The following NIPSNAP2 variants were observed in gnomAD, a reference collection of about 807,000 sequenced individuals.
The protein encoded by NIPSNAP2 is protein NipSnap homolog 2.
Under a neutral mutation model 48.4 loss-of-function variants are expected in NIPSNAP2, and 42 were observed. The ratio of observed to expected loss-of-function variants is 0.87; its 90% CI spans 0.68 to 1.12. NIPSNAP2 has a LOEUF of 1.12. Among genes scored for constraint, NIPSNAP2 ranks in the 50% most tolerant of loss-of-function variants. NIPSNAP2 has a pLI of 0.00. For synonymous variants in NIPSNAP2, 158 were observed against 126.6 expected (o/e 1.25, Z -1.67); for missense variants, 314 against 347.3 (o/e 0.90, Z 0.76).
rs1354861441 is a variant in NIPSNAP2 at position 55,981,399 on chromosome 7, T to A, written c.279-74T>A. The stretch of plus-strand genomic sequence containing the variant: ...ACAGAGTAGGTGGTCTTTTTCCTGT[T>A]ACTGATCAGGTGCTGTCCACCTGGT... On this transcript the variant is annotated intron_variant, in intron 3 of 9. Coordinates refer to ENST00000322090, the MANE Select transcript of NIPSNAP2 (RefSeq NM_001483.3). The A allele has an allele frequency of 3.0e-6, 3 of 984,042 alleles. No homozygotes were observed. The African/African-American group carries it at 4.8e-5, about 16-fold the overall frequency. The allele number at this position is 984,042 out of a possible 1,614,324, so 61.0% of individuals were successfully genotyped here.
At chr7:55,988,265 A>T (rs568805166) in intron 7 of NIPSNAP2, among the ~76,000 whole-genome samples, 30 of 151,944 alleles carry the variant, frequency 2.0e-4, no homozygotes, top group Admixed American at 9.8e-4. Flanking sequence ...CAAAAAAAAA[A>T]TTTTTTTTTA....
At chr7:55,983,955 A>G (rs1017644543) in intron 6 of NIPSNAP2, 87 bp downstream of exon 6, 1 of 1,210,484 alleles carries the variant, frequency 8.3e-7, no homozygotes, top group African/African-American at 1.5e-5. Context: ...ACTTGTGTGT[A>G]CATTCTGTGA....
chr7:55,976,483 A>C (rs1340935394), intron 1 of NIPSNAP2, among the ~76,000 whole-genome samples: 6 of 152,236 alleles, frequency 3.9e-5, no homozygotes, highest in Non-Finnish European at 7.3e-5. Flanking sequence ...GGCTGAAGTC[A>C]TACACAGTTT....
intron 7 of NIPSNAP2, among the ~76,000 whole-genome samples, chr7:55,986,787 A>T (rs1165138627): frequency 6.6e-6 from 1 of 152,250 alleles, no homozygotes; most frequent in East Asian, 1.9e-4. Context: ...TTCAGAATAG[A>T]TAAATAATTC....
chr7:55,988,327 A>G (rs368379547), intron 7 of NIPSNAP2, among the ~76,000 whole-genome samples: 8 of 152,200 alleles, frequency 5.3e-5, no homozygotes, highest in South Asian at 2.1e-4. Context: ...GGATTTCACC[A>G]AAGAAAATAC....
chr7:55,989,049 C>G (rs555835986), intron 7 of NIPSNAP2, among the ~76,000 whole-genome samples: 1 of 152,096 alleles, frequency 6.6e-6, no homozygotes, highest in Non-Finnish European at 1.5e-5. Context: ...CATGTAAACA[C>G]TTAAGTGACC....
chr7:55,983,512 A>G (rs1290276423), intron 5 of NIPSNAP2, among the ~76,000 whole-genome samples: 1 of 152,242 alleles, frequency 6.6e-6, no homozygotes, highest in Non-Finnish European at 1.5e-5. Context: ...TAGGATGACC[A>G]AGTAATTTGT....
rs370055485 is a variant in NIPSNAP2 at position 55,969,779 on chromosome 7, C to G, written c.92+5078C>G. Among the ~76,000 whole-genome samples the G allele has an allele frequency of 1.5e-3, 221 of 152,064 alleles. 2 individuals carry two copies. The highest frequency in any genetic ancestry group is 0.013 in the South Asian group (61 of 4,814). ...TGGGCGAATCACGAGGTCAGGAGAT[C>G]GAGACCATCCTGGCTAACATGGTGA... On this transcript the variant is annotated intron_variant, in intron 1 of 9. Coordinates refer to ENST00000322090, the MANE Select transcript of NIPSNAP2 (RefSeq NM_001483.3).
At chr7:55,985,890 A>G (rs1787319686) in intron 7 of NIPSNAP2, among the ~76,000 whole-genome samples, 1 of 151,880 alleles carries the variant, frequency 6.6e-6, no homozygotes, top group Admixed American at 6.6e-5. Context: ...TCTACTGAAA[A>G]TATAAAGATT....
At chr7:55,978,887 C>CGAGAT in intron 3 of NIPSNAP2, 2 of 153,644 alleles carry the variant, frequency 1.3e-5, no homozygotes, top group Non-Finnish European at 2.9e-5. Context: ...GATCCAAGTC[C>CGAGAT]CTTCCGCTGA....
intron 7 of NIPSNAP2, among the ~76,000 whole-genome samples, chr7:55,992,483 C>CT (rs759839439): frequency 2.9e-4 from 44 of 152,204 alleles, no homozygotes; most frequent in Admixed American, 6.6e-4. Context: ...GAGTGAGTCT[C>CT]TGTCTTAAAA....
Position 55,999,813 on chromosome 7 carries a change from C to G in NIPSNAP2, c.*741C>G, listed in dbSNP as rs1787641967. ...TTTTTCTATAACAAAACAAGTAGCT[C>G]TAGGAAAAGAGGTTTTATTTTGTAA... On this transcript the variant is annotated 3_prime_UTR_variant, in exon 10 of 10. Coordinates refer to ENST00000322090, the MANE Select transcript of NIPSNAP2 (RefSeq NM_001483.3). 1 of 152,300 alleles carries G rather than the reference C, an allele frequency of 6.6e-6. No homozygotes were observed. The highest frequency in any genetic ancestry group is 2.1e-4 in the South Asian group (1 of 4,832). 9.4% of individuals were successfully genotyped at this position (152,300 alleles called of 1,614,324 possible).
chr7:55,979,687 GT>G (rs1787173379), intron 3 of NIPSNAP2: 1 of 442,776 alleles, frequency 2.3e-6, no homozygotes, highest in South Asian at 1.6e-5. Context: ...TTACCCCAAA[GT>G]TTGTCAGATT....
chr7:55,986,231 G>C (rs1787327954), intron 7 of NIPSNAP2, among the ~76,000 whole-genome samples: 1 of 151,888 alleles, frequency 6.6e-6, no homozygotes, highest in Non-Finnish European at 1.5e-5. Flanking sequence ...AACCGGGCAT[G>C]GTGGCACACA....
chr7:55,998,706 G>C (rs2116385419), intron 9 of NIPSNAP2, among the ~76,000 whole-genome samples: 1 of 151,904 alleles, frequency 6.6e-6, no homozygotes, highest in African/African-American at 2.4e-5. Context: ...TCACCCTGTT[G>C]GCCAGGATGG....
intron 3 of NIPSNAP2, chr7:55,980,267 A>C (rs1341340831): frequency 5.7e-6 from 1 of 174,994 alleles, no homozygotes; most frequent in East Asian, 1.4e-4. Context: ...TGATGTGGTC[A>C]CTATACTGGG....
At chr7:55,990,231 CTTT>C (rs568097360) in intron 7 of NIPSNAP2, among the ~76,000 whole-genome samples, 5 of 136,534 alleles carry the variant, frequency 3.7e-5, no homozygotes, top group Non-Finnish European at 1.6e-5. Flanking sequence ...TGTTTCTTTT[CTTT>C]TTTTTTTTTT....
intron 1 of NIPSNAP2, among the ~76,000 whole-genome samples, chr7:55,977,881 T>G (rs1787133568): frequency 6.6e-6 from 1 of 152,220 alleles, no homozygotes. Context: ...CAAAAATTGC[T>G]TTGAAAAACA....
Position 55,986,980 on chromosome 7 carries a change from C to CT in NIPSNAP2, c.617+2103dup, listed in dbSNP as rs1448245399. On this transcript the variant is annotated intron_variant, in intron 7 of 9. Coordinates refer to ENST00000322090, the MANE Select transcript of NIPSNAP2 (RefSeq NM_001483.3). ...TGGGCAACATGGTGAAACCCTGTCT[C>CT]TATAAAAAAAAAAAAAAAAAAAAAA... 5.7e-3 allele frequency among the ~76,000 whole-genome samples: 408 copies of CT among 71,664 alleles called. 4 individuals are homozygous for CT. The highest frequency in any genetic ancestry group is 0.018 in the African/African-American group (397 of 22,530). The allele number at this position is 71,664 out of a possible 152,430, so 47.0% of individuals were successfully genotyped here.
Sources: allele counts gnomAD v4.1 joint callset (sites outside exome capture counted in the v4.1 genomes callset), GRCh38; gene constraint gnomAD v4.1.1; transcripts MANE v1.5; gene names NCBI Gene and HGNC (gene_info 2026-07-23, HGNC 2026-07-21).